The following C3orf52 variants were observed in gnomAD, a reference collection of about 807,000 sequenced individuals.
C3orf52 encodes TPA-induced transmembrane protein.
Under a neutral mutation model 24.8 loss-of-function variants are expected in C3orf52, and 22 were observed. That is an observed-to-expected ratio of 0.89 (90% confidence interval 0.63 to 1.27). The LOEUF (loss-of-function observed/expected upper bound fraction) is 1.27, where lower values mean the gene tolerates loss of function less well. Among genes scored for constraint, C3orf52 ranks in the 50% most tolerant of loss-of-function variants. C3orf52 has a pLI of 0.00. For missense variants in C3orf52, 265 were observed against 260.7 expected (o/e 1.02, Z -0.11); for synonymous variants, 93 against 100.2 (o/e 0.93, Z 0.43).
intron 5 of C3orf52, among the ~76,000 whole-genome samples, chr3:112,115,629 A>C (rs2074127461): frequency 6.6e-6 from 1 of 152,238 alleles, no homozygotes; most frequent in Admixed American, 6.5e-5. Context: ...AAAATTGTAC[A>C]GACAATTTCA....
Position 112,116,788 on chromosome 3 carries a change from C to T in C3orf52, c.*142C>T. 1 of 1,542,478 alleles carries T rather than the reference C, an allele frequency of 6.5e-7. No homozygotes were observed. Among genetic ancestry groups the T allele is most frequent in the East Asian group, 2.4e-5 (1 of 40,926 alleles). The stretch of plus-strand genomic sequence containing the variant: ...ACCAGAGGGGTGGAGACTCCTTTCT[C>T]TCCCGATTCTACAGTCTGGCTCTAA... On this transcript the variant is annotated 3_prime_UTR_variant, in exon 6 of 6. Coordinates refer to ENST00000264848, the MANE Select transcript of C3orf52 (RefSeq NM_024616.3).
At chr3:112,127,687 T>G (rs531951491) in intron 4 of C3orf52, among the ~76,000 whole-genome samples, 37 of 152,328 alleles carry the variant, frequency 2.4e-4, no homozygotes, top group African/African-American at 8.7e-4. Flanking sequence ...CGACTATAAG[T>G]TCTATGTGCA....
At chr3:112,093,740 T>C (rs982655992) in intron 2 of C3orf52, among the ~76,000 whole-genome samples, 2 of 152,250 alleles carry the variant, frequency 1.3e-5, no homozygotes, top group African/African-American at 4.8e-5. Context: ...CTTTAAACTC[T>C]GCTCATTGGA....
downstream of C3orf52, chr3:112,129,933 GA>G (rs1467627448): frequency 6.5e-6 from 1 of 152,982 alleles, no homozygotes; most frequent in East Asian, 1.9e-4. Flanking sequence ...TTTCCTTAGA[GA>G]GAATTCTTTA....
intron 4 of C3orf52, chr3:112,112,275 A>G (rs536950348): frequency 6.6e-6 from 1 of 152,328 alleles, no homozygotes; most frequent in Non-Finnish European, 1.5e-5. Context: ...TTCTAGGAAG[A>G]TGAAAATTCC....
chr3:112,118,889 T>A (rs2074163543), downstream of C3orf52, among the ~76,000 whole-genome samples: 1 of 152,232 alleles, frequency 6.6e-6, no homozygotes, highest in African/African-American at 2.4e-5. Flanking sequence ...CCAACAAAAA[T>A]TCCAGCCATG....
At chr3:112,123,732 G>A (rs751059230) in intron 4 of C3orf52, 3 of 1,613,970 alleles carry the variant, frequency 1.9e-6, no homozygotes, top group Non-Finnish European at 2.5e-6. Context: ...ATTGATGAGG[G>A]TATAGCACAG....
At chr3:112,127,917 G>T in intron 4 of C3orf52, 1 of 931,702 alleles carries the variant, frequency 1.1e-6, no homozygotes, top group Non-Finnish European at 1.8e-6. Flanking sequence ...CTACTGACAG[G>T]CTTCCACTGT....
At chr3:112,110,885 T>C (rs2074073956) in intron 4 of C3orf52, among the ~76,000 whole-genome samples, 1 of 152,176 alleles carries the variant, frequency 6.6e-6, no homozygotes, top group Non-Finnish European at 1.5e-5. Flanking sequence ...CAGATACATA[T>C]GGTGCAGGCT....
intron 1 of C3orf52, among the ~76,000 whole-genome samples, chr3:112,092,904 A>C (rs2073892317): frequency 6.6e-6 from 1 of 152,132 alleles, no homozygotes; most frequent in African/African-American, 2.4e-5. Flanking sequence ...AAAACCTTCA[A>C]GTTTCCAGTG....
chr3:112,121,739 A>C (rs1264533977), downstream of C3orf52: 5 of 152,242 alleles, frequency 3.3e-5, no homozygotes, highest in African/African-American at 1.2e-4. Context: ...TCTTTAGCTG[A>C]AGACCATCAC....
At chr3:112,086,658 G>C in intron 1 of C3orf52, 113 bp downstream of exon 1, 3 of 1,352,900 alleles carry the variant, frequency 2.2e-6, no homozygotes, top group Non-Finnish European at 3.0e-6. Flanking sequence ...CGACGGCGCC[G>C]AGCGAGGGTG....
At chr3:112,090,606 G>A (rs2073868860) in intron 1 of C3orf52, among the ~76,000 whole-genome samples, 1 of 152,144 alleles carries the variant, frequency 6.6e-6, no homozygotes, top group South Asian at 2.1e-4. Context: ...ACAGGAAGAG[G>A]CATTTCCTAT....
chr3:112,089,047 A>C (rs2073854288), intron 1 of C3orf52, among the ~76,000 whole-genome samples: 1 of 152,350 alleles, frequency 6.6e-6, no homozygotes, highest in Middle Eastern at 3.4e-3. Context: ...CTGTCACTGT[A>C]AACATGGCAA....
intron 2 of C3orf52, among the ~76,000 whole-genome samples, chr3:112,096,615 A>G (rs987827110): frequency 1.3e-5 from 2 of 152,328 alleles, no homozygotes; most frequent in Admixed American, 1.3e-4. Flanking sequence ...TTAGCCTTCA[A>G]AACTGTGCAG....
chr3:112,102,998 C>A (rs373724900), intron 3 of C3orf52, 33 bp downstream of exon 3: 1 of 1,602,190 alleles, frequency 6.2e-7, no homozygotes, highest in Non-Finnish European at 8.5e-7. Context: ...CTAAGGAGTT[C>A]TTGACATTAG....
intron 1 of C3orf52, among the ~76,000 whole-genome samples, chr3:112,092,817 T>A (rs1327135329): frequency 6.6e-6 from 1 of 152,202 alleles, no homozygotes; most frequent in Non-Finnish European, 1.5e-5. Context: ...AGCAGTAGCC[T>A]TGTAGCTTTT....
intron 5 of C3orf52, among the ~76,000 whole-genome samples, chr3:112,114,281 G>A (rs1338059859): frequency 6.6e-6 from 1 of 151,936 alleles, no homozygotes; most frequent in African/African-American, 2.4e-5. Context: ...CCAAATTTTA[G>A]CTCACTGGAA....
chr3:112,110,014 A>G (rs976040787), intron 4 of C3orf52, among the ~76,000 whole-genome samples: 9 of 152,218 alleles, frequency 5.9e-5, no homozygotes, highest in African/African-American at 2.2e-4. Flanking sequence ...ACAGGAGTAC[A>G]TTCTCCTTGT....
Sources: allele counts gnomAD v4.1 joint callset (sites outside exome capture counted in the v4.1 genomes callset), GRCh38; gene constraint gnomAD v4.1.1; transcripts MANE v1.5; gene names NCBI Gene and HGNC (gene_info 2026-07-23, HGNC 2026-07-21).